GNG12: variants seen among roughly 807,000 people sequenced by gnomAD.
The protein encoded by GNG12 is guanine nucleotide-binding protein G(I)/G(S)/G(O) subunit gamma-12.
For synonymous variants in GNG12, 28 were observed against 29.7 expected, an observed-to-expected ratio of 0.94 and a Z score of 0.19; for missense variants, 69 against 83.8, an observed-to-expected ratio of 0.82 and a Z score of 0.69.
intron 1 of GNG12, among the ~76,000 whole-genome samples, chr1:67,824,513 A>C (rs1647000889): frequency 6.6e-6 from 1 of 151,054 alleles, no homozygotes; most frequent in South Asian, 2.1e-4. Flanking sequence ...CTGTCTCAAA[A>C]AAAAAAAAAA....
chr1:67,735,947 G>A (rs969979513), intron 2 of GNG12, among the ~76,000 whole-genome samples: 1 of 152,104 alleles, frequency 6.6e-6, no homozygotes, highest in African/African-American at 2.4e-5. Context: ...CTGATTTCCT[G>A]GGCGCTAAAC....
chr1:67,783,792 C>T (rs1157256767), intron 1 of GNG12, among the ~76,000 whole-genome samples: 2 of 152,016 alleles, frequency 1.3e-5, no homozygotes, highest in South Asian at 4.2e-4. Flanking sequence ...GTTAGAATGG[C>T]GATCATTAAA....
At chr1:67,712,274 A>G (rs576526936) in intron 2 of GNG12, among the ~76,000 whole-genome samples, 11 of 152,214 alleles carry the variant, frequency 7.2e-5, no homozygotes, top group Non-Finnish European at 8.8e-5. Flanking sequence ...ACAATACCTG[A>G]TATTTGTATG....
At chr1:67,765,396 G>C (rs1646630210) in intron 2 of GNG12, among the ~76,000 whole-genome samples, 2 of 152,150 alleles carry the variant, frequency 1.3e-5, no homozygotes, top group South Asian at 4.1e-4. Flanking sequence ...CAATGAAGAT[G>C]ATAAACATAT....
chr1:67,795,031 C>G (rs1646822387), intron 1 of GNG12, among the ~76,000 whole-genome samples: 1 of 152,166 alleles, frequency 6.6e-6, no homozygotes, highest in Non-Finnish European at 1.5e-5. Flanking sequence ...CACAGGGGTA[C>G]AGGGTTTCAA....
intron 2 of GNG12, among the ~76,000 whole-genome samples, chr1:67,761,709 A>T (rs1366119446): frequency 6.6e-6 from 1 of 152,150 alleles, no homozygotes. Context: ...GAGATCGGCA[A>T]ACTCTCCAAC....
chr1:67,795,883 C>T (rs1449518461), intron 1 of GNG12, among the ~76,000 whole-genome samples: 3 of 152,272 alleles, frequency 2.0e-5, no homozygotes, highest in Middle Eastern at 3.4e-3. Flanking sequence ...TACACTAACT[C>T]CAGCTATGCA....
rs557568339 is a variant in GNG12 at position 67,704,374 on chromosome 1, G to A, written c.*1077C>T. 24 of 152,178 alleles carry A rather than the reference G, an allele frequency of 1.6e-4. No homozygotes were observed. Among genetic ancestry groups the A allele is most frequent in the African/African-American group, 5.5e-4 (23 of 41,496 alleles). 9.4% of individuals were successfully genotyped at this position (152,178 alleles called of 1,614,324 possible). On this transcript the variant is annotated 3_prime_UTR_variant, in exon 4 of 4. Transcript: ENST00000370982. ...ATTCCACATACCTGTGGCTGGGGAA[G>A]GTAATGTTACCTCTGCAAACAGATG... is the stretch of plus-strand genomic sequence containing the variant.
chr1:67,820,781 G>C (rs1481327883), intron 1 of GNG12, among the ~76,000 whole-genome samples: 1 of 152,194 alleles, frequency 6.6e-6, no homozygotes, highest in East Asian at 1.9e-4. Context: ...GAAAGTGTAT[G>C]TGAAGTTCCT....
At chr1:67,751,667 G>A (rs1207466565) in intron 2 of GNG12, among the ~76,000 whole-genome samples, 4 of 152,132 alleles carry the variant, frequency 2.6e-5, no homozygotes, top group Non-Finnish European at 5.9e-5. Context: ...GCCATACCTC[G>A]GCCCTTATTC....
At chr1:67,780,837 CTAAG>C (rs1646733589) in intron 1 of GNG12, among the ~76,000 whole-genome samples, 3 of 152,262 alleles carry the variant, frequency 2.0e-5, no homozygotes, top group African/African-American at 7.2e-5. Context: ...GCATGTAGAA[CTAAG>C]TAATAACATG....
chr1:67,827,030 G>A (rs532799110), intron 1 of GNG12, among the ~76,000 whole-genome samples: 1 of 152,364 alleles, frequency 6.6e-6, no homozygotes, highest in South Asian at 2.1e-4. Flanking sequence ...ATGGGCTCAT[G>A]TGAGTTTGCA....
chr1:67,833,364 C>A lies in GNG12; in HGVS notation c.-97G>T. On this transcript the variant is annotated 5_prime_UTR_variant, in exon 1 of 4. Coordinates refer to ENST00000370982, the MANE Select transcript of GNG12 (RefSeq NM_018841.6). The stretch of plus-strand genomic sequence containing the variant: ...CTCACCCGCCTGCCGGTGCGCTGCC[C>A]CGCCGTCGCCGCCGGGACTCGGTCT... The A allele has an allele frequency of 1.0e-6, 1 of 985,272 alleles. No homozygotes were observed. The allele number at this position is 985,272 out of a possible 1,614,324, so 61.0% of individuals were successfully genotyped here.
intron 2 of GNG12, among the ~76,000 whole-genome samples, chr1:67,772,836 A>C (rs1557612527): frequency 6.6e-6 from 1 of 152,208 alleles, no homozygotes; most frequent in African/African-American, 2.4e-5. Flanking sequence ...CTTGGTACTC[A>C]CTACTGCTAG....
At chr1:67,743,737 A>G (rs1646494806) in intron 2 of GNG12, among the ~76,000 whole-genome samples, 1 of 152,200 alleles carries the variant, frequency 6.6e-6, no homozygotes, top group Non-Finnish European at 1.5e-5. Context: ...TGCTTAAGAC[A>G]CTTCTATATT....
chr1:67,785,165 G>A (rs1646760959), intron 1 of GNG12, among the ~76,000 whole-genome samples: 1 of 152,126 alleles, frequency 6.6e-6, no homozygotes, highest in Non-Finnish European at 1.5e-5. Flanking sequence ...CTATAAGAAA[G>A]CCTTTACACA....
At chr1:67,766,792 G>T (rs1201538306) in intron 2 of GNG12, among the ~76,000 whole-genome samples, 1 of 152,040 alleles carries the variant, frequency 6.6e-6, no homozygotes, top group Non-Finnish European at 1.5e-5. Context: ...TTTCTACCCT[G>T]AGGATGGCAT....
At chr1:67,781,262 C>T (rs7516927) in intron 1 of GNG12, among the ~76,000 whole-genome samples, 15,394 of 152,212 alleles carry the variant, frequency 0.1, 911 homozygotes, top group African/African-American at 0.16. Flanking sequence ...TGTGCATGGA[C>T]GGATGTCAGC....
At chr1:67,797,775 C>T (rs1646840678) in intron 1 of GNG12, among the ~76,000 whole-genome samples, 1 of 152,196 alleles carries the variant, frequency 6.6e-6, no homozygotes, top group African/African-American at 2.4e-5. Flanking sequence ...GCACGACATA[C>T]CCATATCATG....
Sources: gnomAD v4.1 joint callset for allele counts (sites outside exome capture counted in the v4.1 genomes callset) on GRCh38, gnomAD v4.1.1 for gene constraint, MANE v1.5 for transcripts, NCBI Gene and HGNC (gene_info 2026-07-23, HGNC 2026-07-21) for gene names.